FOXRED1: variants seen among roughly 807,000 people sequenced by gnomAD.
FOXRED1 encodes the protein FAD dependent oxidoreductase domain containing 1, also known as FAD-dependent oxidoreductase domain-containing protein 1.
FOXRED1 carries 52 observed loss-of-function variants against 57.8 expected under a neutral mutation model. The ratio of observed to expected loss-of-function variants is 0.90; its 90% CI spans 0.72 to 1.13. FOXRED1 has a LOEUF of 1.13. FOXRED1 is among the 50% of genes most tolerant of loss of function. FOXRED1 has a pLI of 0.00. For synonymous variants in FOXRED1, 271 were observed against 248.3 expected (o/e 1.09, Z -0.86); for missense variants, 589 against 625.2 (o/e 0.94, Z 0.62).
chr11:126,271,826 C>G lies in FOXRED1; in HGVS notation c.306+169C>G. 1.5e-6 allele frequency: 1 copy of G among 662,012 alleles called. No individual in the cohort carries two copies. The highest frequency in any genetic ancestry group is 2.8e-5 in the East Asian group (1 of 36,168). 41.0% of individuals were successfully genotyped at this position (662,012 alleles called of 1,614,324 possible). Reference sequence around the variant, plus strand: ...GTTGAGAAATTTTCCTAGGATCTTCCTCAGTCGAACCAGGAAGCTTGGCAA... The same window carrying G: ...GTTGAGAAATTTTCCTAGGATCTTCGTCAGTCGAACCAGGAAGCTTGGCAA... On this transcript the variant is annotated intron_variant, in intron 2 of 10. Coordinates refer to ENST00000263578, the MANE Select transcript of FOXRED1 (RefSeq NM_017547.4). The surrounding 1 kb of genome is among the most constrained non-coding windows in gnomAD (Gnocchi z 5.3).
chr11:126,277,569 C>T lies in FOXRED1; in HGVS notation c.1341C>T (p.Gly447=). 6.2e-7 allele frequency: 1 copy of T among 1,613,696 alleles called. No individual in the cohort carries two copies. The highest frequency in any genetic ancestry group is 2.2e-5 in the East Asian group (1 of 44,900). Reference sequence around the variant, plus strand: ...GTCACGGGCTCCAGCAGGCCCCTGGCATTGGGCGAGCTGTAGCAGAGATGG... The same window carrying T: ...GTCACGGGCTCCAGCAGGCCCCTGGTATTGGGCGAGCTGTAGCAGAGATGG... ...FSGHGLQQAP[G]IGRAVAEMVL... is the part of the protein sequence containing the mutation. The change falls in exon 11 of 11, where the codon GGC becomes GGT. Residue 447 remains glycine (G), a synonymous_variant. Coordinates refer to ENST00000263578, the MANE Select transcript of FOXRED1 (RefSeq NM_017547.4). This position sits in a 1 kb window ranked among gnomAD's most constrained non-coding sequence, Gnocchi z 6.8.
Position 126,271,357 on chromosome 11 carries a change from T to C in FOXRED1, c.86-80T>C. On this transcript the variant is annotated intron_variant, in intron 1 of 10. Transcript: ENST00000263578. The surrounding 1 kb of genome is among the most constrained non-coding windows in gnomAD (Gnocchi z 5.3). ...AACTCATGTGTCTGTTTAGCTCACC[T>C]TTTCCTGTGCCCATCCTCCAACCCC... is the stretch of plus-strand genomic sequence containing the variant. 1 of 1,044,216 alleles carries C rather than the reference T, an allele frequency of 9.6e-7. No homozygotes were observed. Among genetic ancestry groups the C allele is most frequent in the South Asian group, 1.3e-5 (1 of 78,604 alleles). The allele number at this position is 1,044,216 out of a possible 1,614,324, so 64.7% of individuals were successfully genotyped here. A position where few individuals can be genotyped will look rare whatever the true frequency, so the allele number is the denominator to read the frequency against.
Position 126,277,523 on chromosome 11 carries a change from A to T in FOXRED1, c.1295A>T (p.Tyr432Phe). 2.5e-6 allele frequency: 4 copies of T among 1,613,724 alleles called. No individual in the cohort carries two copies. The highest frequency in any genetic ancestry group is 3.4e-6 in the Non-Finnish European group (4 of 1,180,004). Reference sequence around the variant, plus strand: ...CCCCACCCGCTAGTTGTCAACATGTACTTTGCTACTGGCTTCAGTGGTCAC... The same window carrying T: ...CCCCACCCGCTAGTTGTCAACATGTTCTTTGCTACTGGCTTCAGTGGTCAC... ...VGPHPLVVNM[Y>F]FATGFSGHGL... The change falls in exon 11 of 11, where the codon TAC becomes TTC. Residue 432 changes from tyrosine to phenylalanine, a missense_variant. Coordinates refer to ENST00000263578, the MANE Select transcript of FOXRED1 (RefSeq NM_017547.4). The surrounding 1 kb of genome is among the most constrained non-coding windows in gnomAD (Gnocchi z 6.8).
intron 1 of FOXRED1, 86 bp downstream of exon 1, chr11:126,269,377 C>T: frequency 6.2e-7 from 1 of 1,609,326 alleles, no homozygotes; most frequent in Non-Finnish European, 8.5e-7. Flanking sequence ...GAAACCATGG[C>T]CCACACTGGC....
In FOXRED1 at chr11:126,275,890, T is replaced by C. The variant is rs773028656; in HGVS notation, c.810+20T>C. ...GTCCATGTAAGTTTCTAGTCTGTGA[T>C]GTCCTTTACCAAAATGGAGGGACAG... On this transcript the variant is annotated intron_variant, in intron 7 of 10. Coordinates refer to ENST00000263578, the MANE Select transcript of FOXRED1 (RefSeq NM_017547.4). The surrounding 1 kb of genome is among the most constrained non-coding windows in gnomAD (Gnocchi z 5.9). The C allele has an allele frequency of 2.5e-6, 4 of 1,587,316 alleles. No individual in the cohort carries two copies. Among genetic ancestry groups the C allele is most frequent in the Non-Finnish European group, 3.5e-6 (4 of 1,155,658 alleles).
Position 126,275,035 on chromosome 11 carries a change from G to T in FOXRED1, c.631+14G>T. On this transcript the variant is annotated intron_variant, in intron 5 of 10. Coordinates refer to ENST00000263578, the MANE Select transcript of FOXRED1 (RefSeq NM_017547.4). The surrounding 1 kb of genome is among the most constrained non-coding windows in gnomAD (Gnocchi z 5.9). ...TGGCGTCTTATGGTGAGGCTTGCTT[G>T]CAGAGGGGACAGCTTTTTTCCTGAA... The T allele has an allele frequency of 6.4e-7, 1 of 1,566,068 alleles. No homozygotes were observed.
At chr11:126,276,810 A>G in intron 9 of FOXRED1, 1 of 486,244 alleles carries the variant, frequency 2.1e-6, no homozygotes, top group Non-Finnish European at 3.8e-6. Flanking sequence ...CGGGAGGCTG[A>G]GGTTGCAGTG....
At position 126,275,477 on chromosome 11, in the gene FOXRED1, A is replaced by G; in HGVS notation, c.733+49A>G. 7.8e-7 allele frequency: 1 copy of G among 1,282,512 alleles called. No homozygotes were observed. Among genetic ancestry groups the G allele is most frequent in the Middle Eastern group, 1.9e-4 (1 of 5,400 alleles). The allele number at this position is 1,282,512 out of a possible 1,614,324, so 79.4% of individuals were successfully genotyped here. The stretch of plus-strand genomic sequence containing the variant: ...AGCAACCGGGGCATAGGCCTAGACT[A>G]GGTCTTATCTTCTCACTCACAAGCT... On this transcript the variant is annotated intron_variant, in intron 6 of 10. Coordinates refer to ENST00000263578, the MANE Select transcript of FOXRED1 (RefSeq NM_017547.4). The surrounding 1 kb of genome is among the most constrained non-coding windows in gnomAD (Gnocchi z 5.9).
At chr11:126,276,247 G>A in intron 8 of FOXRED1, 28 bp downstream of exon 8, 1 of 1,576,628 alleles carries the variant, frequency 6.3e-7, no homozygotes. Flanking sequence ...AGCTGAGGAG[G>A]TTGGTGAGAA....
At position 126,276,454 on chromosome 11, in the gene FOXRED1, C is replaced by G. The variant is rs1400208510; in HGVS notation, c.1032C>G (p.Asp344Glu). Residue 344 changes from aspartate (D) to glutamate (E), a missense_variant, in exon 9 of 11, where the codon GAC becomes GAG. Physicochemically the swap from Asp to Glu is conservative, Grantham distance 45. Transcript: ENST00000263578. The part of the protein sequence containing the change: ...GPGLETPLVA[D>E]TSGAYFRREG... ...GCCTAGAGACTCCGCTTGTTGCAGA[C>G]ACCAGTGGAGCCTATTTTCGCCGGG... 1 of 1,607,568 alleles carries G rather than the reference C, an allele frequency of 6.2e-7. No individual in the cohort carries two copies. Among genetic ancestry groups the G allele is most frequent in the Non-Finnish European group, 8.5e-7 (1 of 1,177,152 alleles).
rs780435671 is a variant in FOXRED1, at chr11:126,272,445, A to C, written c.307-524A>C. The C allele has an allele frequency of 8.5e-6, 2 of 235,976 alleles. No homozygotes were observed. The highest frequency in any genetic ancestry group is 2.3e-5 in the African/African-American group (1 of 43,624). The allele number at this position is 235,976 out of a possible 1,614,324, so 14.6% of individuals were successfully genotyped here. On this transcript the variant is annotated intron_variant, in intron 2 of 10. Transcript: ENST00000263578. This position sits in a 1 kb window ranked among gnomAD's most constrained non-coding sequence, Gnocchi z 4.6. ...GTAGCTGGGACCACAGGCATGCACC[A>C]CCACACCTGGCTAATTTCTGTATTT...
At chr11:126,276,027 C>T (rs780468984) in intron 7 of FOXRED1, 32 bp from the exon 8 acceptor site, 1 of 1,612,600 alleles carries the variant, frequency 6.2e-7, no homozygotes, top group African/African-American at 1.3e-5. Flanking sequence ...GTGGTCCGGG[C>T]CTTCCCACTC....
chr11:126,270,387 G>C (rs1288311580), intron 1 of FOXRED1, among the ~76,000 whole-genome samples: 1 of 152,206 alleles, frequency 6.6e-6, no homozygotes, highest in East Asian at 1.9e-4. Context: ...CGATAGGCTG[G>C]AGATTCAGTG....
In FOXRED1 at chr11:126,274,790, G is replaced by A. The variant is rs1951084880; in HGVS notation, c.537-137G>A. The A allele has an allele frequency of 4.1e-6, 3 of 738,900 alleles. No individual in the cohort carries two copies. In the Admixed American group the frequency reaches 5.7e-5, roughly 14 times the overall value. 45.8% of individuals were successfully genotyped at this position (738,900 alleles called of 1,614,324 possible). On this transcript the variant is annotated intron_variant, in intron 4 of 10. Transcript: ENST00000263578. This position sits in a 1 kb window ranked among gnomAD's most constrained non-coding sequence, Gnocchi z 4.8. ...TGGTCTTCAGCCGCTCAGCAATGAGGAAAAATAGGGGCATTTGGGGCAGAG... is the reference window on the plus strand; with the variant it reads ...TGGTCTTCAGCCGCTCAGCAATGAGAAAAAATAGGGGCATTTGGGGCAGAG...
In FOXRED1 at chr11:126,273,150, C is replaced by G. The variant is rs1052024776; in HGVS notation, c.417+71C>G. On this transcript the variant is annotated intron_variant, in intron 3 of 10. Transcript: ENST00000263578. This position sits in a 1 kb window ranked among gnomAD's most constrained non-coding sequence, Gnocchi z 5.9. ...TAGCCCAGAGTGGGGAGCAGCCCAG[C>G]TAGCAAGGTAGCCAGAGAGCAAGAA... 4 of 1,038,908 alleles carry G rather than the reference C, an allele frequency of 3.9e-6. No homozygotes were observed. Among genetic ancestry groups the G allele is most frequent in the Non-Finnish European group, 6.1e-6 (4 of 654,586 alleles). 64.4% of individuals were successfully genotyped at this position (1,038,908 alleles called of 1,614,324 possible).
chr11:126,273,570 A>G lies in FOXRED1; in HGVS notation c.536+116A>G. On this transcript the variant is annotated intron_variant, in intron 4 of 10. Transcript: ENST00000263578. The surrounding 1 kb of genome is among the most constrained non-coding windows in gnomAD (Gnocchi z 5.9). ...ATAAGACAGATCCCTGCGGTCTAGG[A>G]CCTCAGTGTGTCAGGAAGAAAATAC... 1 of 764,068 alleles carries G rather than the reference A, an allele frequency of 1.3e-6. No individual in the cohort carries two copies. 47.3% of individuals were successfully genotyped at this position (764,068 alleles called of 1,614,324 possible).
In FOXRED1 at chr11:126,274,823, A is replaced by G. The variant is rs947267110; in HGVS notation, c.537-104A>G. ...GGGGCATTTGGGGCAGAGAAGTGACATGACTGAGCTGGACTCCCCACTTGT... is the reference window on the plus strand; with the variant it reads ...GGGGCATTTGGGGCAGAGAAGTGACGTGACTGAGCTGGACTCCCCACTTGT... On this transcript the variant is annotated intron_variant, in intron 4 of 10. Coordinates refer to ENST00000263578, the MANE Select transcript of FOXRED1 (RefSeq NM_017547.4). The surrounding 1 kb of genome is among the most constrained non-coding windows in gnomAD (Gnocchi z 4.8). The G allele has an allele frequency of 8.8e-6, 7 of 794,028 alleles. No individual in the cohort carries two copies. The Admixed American group carries it at 1.2e-4, about 14-fold the overall frequency. 49.2% of individuals were successfully genotyped at this position (794,028 alleles called of 1,614,324 possible).
chr11:126,273,530 G>A lies in FOXRED1; in HGVS notation c.536+76G>A, dbSNP rs1951049948. 4.2e-6 allele frequency: 4 copies of A among 948,912 alleles called. No homozygotes were observed. The highest frequency in any genetic ancestry group is 6.9e-6 in the Non-Finnish European group (4 of 576,976). 58.8% of individuals were successfully genotyped at this position (948,912 alleles called of 1,614,324 possible). A position where few individuals can be genotyped will look rare whatever the true frequency, so the allele number is the denominator to read the frequency against. On this transcript the variant is annotated intron_variant, in intron 4 of 10. Transcript: ENST00000263578. This position sits in a 1 kb window ranked among gnomAD's most constrained non-coding sequence, Gnocchi z 5.9. The stretch of plus-strand genomic sequence containing the variant: ...TGACTCCTGCACCAGGTTAGGAAGC[G>A]AGAAAGTGGAGTTGATAAGACAGAT...
At position 126,272,807 on chromosome 11, in the gene FOXRED1, C is replaced by T; in HGVS notation, c.307-162C>T. 1 of 683,424 alleles carries T rather than the reference C, an allele frequency of 1.5e-6. No individual in the cohort carries two copies. Among genetic ancestry groups the T allele is most frequent in the South Asian group, 1.6e-5 (1 of 63,722 alleles). 42.3% of individuals were successfully genotyped at this position (683,424 alleles called of 1,614,324 possible). A position where few individuals can be genotyped will look rare whatever the true frequency, so the allele number is the denominator to read the frequency against. ...CACATCCACTACTAATGATTTTAAACACCATTGCCTTCAAGTTGACTTACA... is the reference window on the plus strand; with the variant it reads ...CACATCCACTACTAATGATTTTAAATACCATTGCCTTCAAGTTGACTTACA... On this transcript the variant is annotated intron_variant, in intron 2 of 10. Coordinates refer to ENST00000263578, the MANE Select transcript of FOXRED1 (RefSeq NM_017547.4). The surrounding 1 kb of genome is among the most constrained non-coding windows in gnomAD (Gnocchi z 4.6).
Sources: allele counts gnomAD v4.1 joint callset (sites outside exome capture counted in the v4.1 genomes callset), GRCh38; gene constraint gnomAD v4.1.1; non-coding constraint Gnocchi (gnomAD v3.1); transcripts MANE v1.5; gene names NCBI Gene and HGNC (gene_info 2026-07-23, HGNC 2026-07-21).